THBS3: variants seen among roughly 807,000 people sequenced by gnomAD.
THBS3 encodes thrombospondin 3.
In THBS3, 78 loss-of-function variants were observed where a neutral mutation model predicts 118.3. The ratio of observed to expected loss-of-function variants is 0.66; its 90% CI spans 0.55 to 0.80. The LOEUF (loss-of-function observed/expected upper bound fraction) is 0.80. THBS3 is among the 30% of genes least tolerant of loss of function. THBS3 has a pLI of 0.00. For missense variants in THBS3, 1,057 were observed against 1,247.4 expected, an observed-to-expected ratio of 0.85 and a Z score of 2.30; for synonymous variants, 427 against 475.3, an observed-to-expected ratio of 0.90 and a Z score of 1.32.
intron 4 of THBS3, among the ~76,000 whole-genome samples, 180 bp from the exon 5 acceptor site, chr1:155,203,719 G>A (rs1417452059): frequency 6.6e-6 from 1 of 152,212 alleles, no homozygotes; most frequent in African/African-American, 2.4e-5. Flanking sequence ...CTTCTATGGG[G>A]CAAAAGGCCC....
chr1:155,202,258 G>A lies in THBS3; in HGVS notation c.1098+3C>T. The A allele has an allele frequency of 6.2e-7, 1 of 1,613,678 alleles. No individual in the cohort carries two copies. Among genetic ancestry groups the A allele is most frequent in the Non-Finnish European group, 8.5e-7 (1 of 1,179,780 alleles). ...CTTGTCCACACACACTACCCAGTCT[G>A]ACCTGTTTGCTGGCCCGGGCATAGT... On this transcript the variant is annotated splice_donor_region_variant and intron_variant, in intron 9 of 22. Transcript: ENST00000368378. This position sits in a 1 kb window ranked among gnomAD's most constrained non-coding sequence, Gnocchi z 5.5.
chr1:155,199,409 CAAAA>C (rs11355526), intron 16 of THBS3, among the ~76,000 whole-genome samples: 6 of 121,710 alleles, frequency 4.9e-5, no homozygotes, highest in Admixed American at 1.7e-4. Flanking sequence ...GACTCCGTCT[CAAAA>C]AAAAAAAAAA....
intron 16 of THBS3, 160 bp from the exon 17 acceptor site, chr1:155,198,762 C>A: frequency 1.6e-6 from 1 of 633,300 alleles, no homozygotes; most frequent in South Asian, 2.1e-5. Flanking sequence ...GGAGGGATGA[C>A]TGTAAGAATA....
rs761431168 is a variant in THBS3 at position 155,198,520 on chromosome 1, G to A, written c.1963C>T (p.Leu655Phe). Residue 655 changes from leucine (L) to phenylalanine (F), a missense_variant, in exon 17 of 23, where the codon CTT becomes TTT. Leu to Phe is a conservative substitution (Grantham distance 22). Coordinates refer to ENST00000368378, the MANE Select transcript of THBS3 (RefSeq NM_007112.5). ...TCATCCCCATCACACTCATCTCCAA[G>A]TCCATCGTTATCAGAGTCCAGCTGG... is the stretch of plus-strand genomic sequence containing the variant. ...SSQLDSDNDG[L>F]GDECDGDDDN... The A allele has an allele frequency of 6.2e-7, 1 of 1,614,218 alleles. No individual in the cohort carries two copies. The highest frequency in any genetic ancestry group is 1.7e-5 in the Admixed American group (1 of 60,026).
Position 155,206,386 on chromosome 1 carries a change from C to T in THBS3, c.100G>A (p.Gly34Ser). ...ACAGCTACCATCTGCCGAGACTCGC[C>T]CACAGTCAGCAGGTCAATTACTGGT... is the stretch of plus-strand genomic sequence containing the variant. ...DLQVIDLLTVGESRQMVAVAE... is the reference protein window; with the variant it reads ...DLQVIDLLTVSESRQMVAVAE... Residue 34 changes from glycine to serine, a missense_variant, in exon 2 of 23, where the codon GGC (glycine) becomes AGC (serine). Transcript: ENST00000368378. The surrounding 1 kb of genome is among the most constrained non-coding windows in gnomAD (Gnocchi z 4.2). 6.2e-7 allele frequency: 1 copy of T among 1,614,052 alleles called. No homozygotes were observed. Among genetic ancestry groups the T allele is most frequent in the Non-Finnish European group, 8.5e-7 (1 of 1,180,006 alleles).
At position 155,200,892 on chromosome 1, in the gene THBS3, G is replaced by A. The variant is rs1048405441; in HGVS notation, c.1548+5C>T. On this transcript the variant is annotated splice_donor_5th_base_variant and intron_variant, in intron 13 of 22. Transcript: ENST00000368378. ...CTTCAAGGGGCAGGGCAGTCTGGGA[G>A]TCACCTCAACATTCTTGATCCCATC... 1.2e-6 allele frequency: 2 copies of A among 1,614,052 alleles called. No individual in the cohort carries two copies. The highest frequency in any genetic ancestry group is 8.5e-7 in the Non-Finnish European group (1 of 1,179,998).
rs1312519452 is a variant in THBS3 at position 155,206,146 on chromosome 1, G to C, written c.286+54C>G. On this transcript the variant is annotated intron_variant, in intron 2 of 22. Coordinates refer to ENST00000368378, the MANE Select transcript of THBS3 (RefSeq NM_007112.5). This position sits in a 1 kb window ranked among gnomAD's most constrained non-coding sequence, Gnocchi z 4.2. ...GGAAGCACTTGGGAAGTAGGGATGA[G>C]GGAGAGTGCTTAAGGAGGTCACCAT... 1 of 1,587,394 alleles carries C rather than the reference G, an allele frequency of 6.3e-7. No homozygotes were observed. The highest frequency in any genetic ancestry group is 1.3e-5 in the African/African-American group (1 of 74,434).
chr1:155,198,674 G>T, intron 16 of THBS3, 72 bp from the exon 17 acceptor site: 1 of 1,487,094 alleles, frequency 6.7e-7, no homozygotes, highest in Non-Finnish European at 9.2e-7. Flanking sequence ...TTCTGCCTGG[G>T]AGTCTCTGGA....
intron 16 of THBS3, 131 bp downstream of exon 16, chr1:155,199,671 CTT>C (rs1044030813): frequency 1.7e-5 from 15 of 869,648 alleles, no homozygotes; most frequent in African/African-American, 1.7e-4. Context: ...ATGAGAATCA[CTT>C]GACCCTGGGA....
chr1:155,206,416 C>T lies in THBS3; in HGVS notation c.80-10G>A, dbSNP rs1445077843. The T allele has an allele frequency of 5.0e-6, 8 of 1,613,494 alleles. No homozygotes were observed. The highest frequency in any genetic ancestry group is 6.8e-6 in the Non-Finnish European group (8 of 1,179,736). Reference sequence around the variant, plus strand: ...GTCAGCAGGTCAATTACTGGTCAGGCAGGGGTTATCAAGGTTAGAGAATGG... The same window carrying T: ...GTCAGCAGGTCAATTACTGGTCAGGTAGGGGTTATCAAGGTTAGAGAATGG... On this transcript the variant is annotated splice_polypyrimidine_tract_variant and intron_variant, in intron 1 of 22. Coordinates refer to ENST00000368378, the MANE Select transcript of THBS3 (RefSeq NM_007112.5). This position sits in a 1 kb window ranked among gnomAD's most constrained non-coding sequence, Gnocchi z 4.2.
chr1:155,197,652 C>A lies in THBS3; in HGVS notation c.2310G>T (p.Thr770=). ...NSDPGLAVGY[T]AFNGVDFEGT... Reference sequence around the variant, plus strand: ...CTTCAAAGTCCACACCATTGAAGGCCGTGTATCCTGGGGTGGGGGTGGGAT... The same window carrying A: ...CTTCAAAGTCCACACCATTGAAGGCAGTGTATCCTGGGGTGGGGGTGGGAT... The change falls in exon 20 of 23, where the codon ACG becomes ACT. Residue 770 remains threonine, a synonymous_variant. Coordinates refer to ENST00000368378, the MANE Select transcript of THBS3 (RefSeq NM_007112.5). The surrounding 1 kb of genome is among the most constrained non-coding windows in gnomAD (Gnocchi z 5.0). 1 of 548,560 alleles carries A rather than the reference C, an allele frequency of 1.8e-6. No homozygotes were observed. The highest frequency in any genetic ancestry group is 2.3e-5 in the African/African-American group (1 of 42,722). 34.0% of individuals were successfully genotyped at this position (548,560 alleles called of 1,614,324 possible).
At chr1:155,199,900 CTG>C in intron 15 of THBS3, 44 bp from the exon 16 acceptor site, 1 of 1,612,562 alleles carries the variant, frequency 6.2e-7, no homozygotes, top group Non-Finnish European at 8.5e-7. Flanking sequence ...CTTGATAACT[CTG>C]AAGAGGGTGA....
rs934586182 is a variant in THBS3 at position 155,202,209 on chromosome 1, C to G, written c.1098+52G>C. ...GGTCCCATGTCCAACCCAGAAGCCC[C>G]TGGCCTCTACAAGGCCAAGATCCCT... On this transcript the variant is annotated intron_variant, in intron 9 of 22. Coordinates refer to ENST00000368378, the MANE Select transcript of THBS3 (RefSeq NM_007112.5). This position sits in a 1 kb window ranked among gnomAD's most constrained non-coding sequence, Gnocchi z 5.5. The G allele has an allele frequency of 4.4e-6, 7 of 1,600,622 alleles. No individual in the cohort carries two copies. The highest frequency in any genetic ancestry group is 5.1e-6 in the Non-Finnish European group (6 of 1,171,712).
rs1557855956 is a variant in THBS3, at chr1:155,197,875, C to T, written c.2302+5G>A. On this transcript the variant is annotated splice_donor_5th_base_variant and intron_variant, in intron 19 of 22. Coordinates refer to ENST00000368378, the MANE Select transcript of THBS3 (RefSeq NM_007112.5). This position sits in a 1 kb window ranked among gnomAD's most constrained non-coding sequence, Gnocchi z 5.0. ...AAGTGATTGAACTGCATATCCCTTA[C>T]ATACCAACTGCCAAGCCAGGGTCAC... The T allele has an allele frequency of 1.9e-6, 3 of 1,614,088 alleles. No homozygotes were observed. Among genetic ancestry groups the T allele is most frequent in the Non-Finnish European group, 2.5e-6 (3 of 1,180,020 alleles).
upstream of THBS3, chr1:155,208,787 T>A (rs753679940): frequency 7.5e-7 from 1 of 1,329,270 alleles, no homozygotes; most frequent in Admixed American, 2.5e-5. Context: ...GCTCCAAACA[T>A]AACGCGCTGT....
At chr1:155,201,840 C>T in intron 10 of THBS3, 117 bp downstream of exon 10, 1 of 1,445,392 alleles carries the variant, frequency 6.9e-7, no homozygotes, top group Admixed American at 1.7e-5. Flanking sequence ...AACACCTAAT[C>T]TGTGTAGTGC....
intron 5 of THBS3, 27 bp downstream of exon 5, chr1:155,203,486 G>A (rs762040606): frequency 1.1e-5 from 18 of 1,612,640 alleles, no homozygotes; most frequent in Admixed American, 1.7e-5. Flanking sequence ...CCCGCTCCCC[G>A]CTTCCGCTTC....
At chr1:155,201,907 G>T in intron 10 of THBS3, 50 bp downstream of exon 10, 1 of 1,611,396 alleles carries the variant, frequency 6.2e-7, no homozygotes, top group South Asian at 1.1e-5. Context: ...CGGGGGTTGG[G>T]GTTTTACCAT....
Position 155,206,351 on chromosome 1 carries a change from C to A in THBS3, c.135G>T (p.Lys45Asn). The A allele has an allele frequency of 2.5e-6, 4 of 1,614,108 alleles. No homozygotes were observed. The highest frequency in any genetic ancestry group is 1.7e-6 in the Non-Finnish European group (2 of 1,179,990). The stretch of plus-strand genomic sequence containing the variant: ...CAGCAGTGAGCAAGGCTGTCCGGAT[C>A]TTCTCTGCCACAGCTACCATCTGCC... ...ESRQMVAVAE[K>N]IRTALLTAGD... Residue 45 changes from lysine to asparagine, a missense_variant, in exon 2 of 23, where the codon AAG becomes AAT. By Grantham distance (94) the Lys-to-Asn change is moderately conservative. Transcript: ENST00000368378. The surrounding 1 kb of genome is among the most constrained non-coding windows in gnomAD (Gnocchi z 4.2).
Sources: gnomAD v4.1 joint callset for allele counts (sites outside exome capture counted in the v4.1 genomes callset) on GRCh38, gnomAD v4.1.1 for gene constraint, Gnocchi (gnomAD v3.1) non-coding constraint, MANE v1.5 for transcripts, NCBI Gene and HGNC (gene_info 2026-07-23, HGNC 2026-07-21) for gene names.